Variants in GNAO1 observed in about 807,000 individuals in gnomAD.
GNAO1 encodes the protein guanine nucleotide-binding protein G(o) subunit alpha.
For missense variants in GNAO1, 166 were observed against 478.7 expected (o/e 0.35, Z 6.10); for synonymous variants, 164 against 180.7 (o/e 0.91, Z 0.74).
chr16:56,228,209 CAGAAGA>C (rs1190894617), intron 2 of GNAO1, among the ~76,000 whole-genome samples: 1 of 152,130 alleles, frequency 6.6e-6, no homozygotes, highest in East Asian at 1.9e-4. Context: ...CAAGTGCAAC[CAGAAGA>C]AGGCTTCCCC....
chr16:56,255,477 C>G (rs1334067767), intron 2 of GNAO1: 1 of 152,138 alleles, frequency 6.6e-6, no homozygotes, highest in African/African-American at 2.4e-5. Flanking sequence ...TGTAGTGTTT[C>G]AGATGAGAAG....
At chr16:56,303,371 C>T (rs1329350285) in intron 3 of GNAO1, among the ~76,000 whole-genome samples, 9 of 152,190 alleles carry the variant, frequency 5.9e-5, no homozygotes, top group Non-Finnish European at 1.0e-4. Context: ...TGGAGGCTGG[C>T]GGGCAGCCTT....
intron 3 of GNAO1, among the ~76,000 whole-genome samples, chr16:56,316,319 G>T (rs746190596): frequency 6.6e-6 from 1 of 152,180 alleles, no homozygotes; most frequent in Non-Finnish European, 1.5e-5. Flanking sequence ...CTCCATCAGG[G>T]CTGCCCCAGG....
intron 6 of GNAO1, among the ~76,000 whole-genome samples, chr16:56,341,848 C>T (rs1338586335): frequency 1.3e-5 from 2 of 152,198 alleles, no homozygotes; most frequent in African/African-American, 4.8e-5. Context: ...AGACCCTGTC[C>T]AGAGAAGTGA....
intron 2 of GNAO1, among the ~76,000 whole-genome samples, chr16:56,201,924 G>A (rs1407588389): frequency 1.3e-5 from 2 of 152,152 alleles, no homozygotes; most frequent in Non-Finnish European, 2.9e-5. Flanking sequence ...ACACACCTGG[G>A]GAGAGGGGTC....
intron 5 of GNAO1, among the ~76,000 whole-genome samples, chr16:56,335,439 G>C (rs1025250140): frequency 6.6e-6 from 1 of 152,214 alleles, no homozygotes; most frequent in East Asian, 1.9e-4. Context: ...CTGCAGCGCT[G>C]TGTCCCCACC....
chr16:56,259,237 T>C (rs1274056584), intron 2 of GNAO1, among the ~76,000 whole-genome samples: 1 of 152,224 alleles, frequency 6.6e-6, no homozygotes, highest in African/African-American at 2.4e-5. Context: ...CCTCACATGC[T>C]GTGTGAATGC....
At chr16:56,265,777 G>A (rs767872513) in intron 2 of GNAO1, among the ~76,000 whole-genome samples, 6 of 152,124 alleles carry the variant, frequency 3.9e-5, no homozygotes, top group South Asian at 2.1e-4. Flanking sequence ...GTTTGGGGAC[G>A]AATGTGTTTT....
At position 56,192,651 on chromosome 16, in the gene GNAO1, T is replaced by A. The variant is rs967876809; in HGVS notation, c.161+35T>A. ...TGTGGCATTGGGATTCGTACTTTTA[T>A]TAAGAATAATTTTTAAATCGTTTTT... On this transcript the variant is annotated intron_variant, in intron 2 of 8. Coordinates refer to ENST00000262493, the MANE Select transcript of GNAO1 (RefSeq NM_020988.3). 1.3e-5 allele frequency: 18 copies of A among 1,347,616 alleles called. No homozygotes were observed. The African/African-American group carries it at 2.0e-4, about 15-fold the overall frequency. 83.5% of individuals were successfully genotyped at this position (1,347,616 alleles called of 1,614,324 possible). A position where few individuals can be genotyped will look rare whatever the true frequency, so the allele number is the denominator to read the frequency against.
intron 2 of GNAO1, among the ~76,000 whole-genome samples, chr16:56,244,529 G>A (rs2036724202): frequency 6.6e-6 from 1 of 152,048 alleles, no homozygotes; most frequent in Non-Finnish European, 1.5e-5. Flanking sequence ...TGCTTGACAA[G>A]AATAAGAAAC....
intron 2 of GNAO1, among the ~76,000 whole-genome samples, chr16:56,208,567 A>G (rs186177414): frequency 6.6e-6 from 1 of 152,182 alleles, no homozygotes; most frequent in Admixed American, 6.5e-5. Context: ...TGTTTTCCGA[A>G]GTGGTAATTC....
intron 3 of GNAO1, among the ~76,000 whole-genome samples, chr16:56,318,444 C>T (rs1312184957): frequency 6.6e-6 from 1 of 152,212 alleles, no homozygotes; most frequent in African/African-American, 2.4e-5. Context: ...GTCTCTGGCT[C>T]GGCGGGTCCA....
At chr16:56,314,383 G>C (rs1310120878) in intron 3 of GNAO1, among the ~76,000 whole-genome samples, 3 of 152,224 alleles carry the variant, frequency 2.0e-5, no homozygotes, top group Admixed American at 2.0e-4. Context: ...AGGAAAAGCA[G>C]TGTCCCATGA....
At chr16:56,275,632 G>A (rs551596054) in intron 2 of GNAO1, among the ~76,000 whole-genome samples, 1 of 152,294 alleles carries the variant, frequency 6.6e-6, no homozygotes, top group South Asian at 2.1e-4. Context: ...TACATTGAGT[G>A]CTTAATGTAT....
At chr16:56,334,692 A>T (rs1433417000) in intron 4 of GNAO1, 37 bp from the exon 5 acceptor site, 1 of 1,612,174 alleles carries the variant, frequency 6.2e-7, no homozygotes, top group South Asian at 1.1e-5. Context: ...GTGTCCAGGC[A>T]TTTGGTCCAT....
Position 56,326,418 on chromosome 16 carries a change from A to G in GNAO1, c.304-2213A>G, listed in dbSNP as rs1166264927. Among the ~76,000 whole-genome samples, 5 of 152,230 alleles carry G rather than the reference A, an allele frequency of 3.3e-5. No homozygotes were observed. The highest frequency in any genetic ancestry group is 1.2e-4 in the African/African-American group (5 of 41,466). On this transcript the variant is annotated intron_variant, in intron 3 of 8. Coordinates refer to ENST00000262493, the MANE Select transcript of GNAO1 (RefSeq NM_020988.3). This position sits in a 1 kb window ranked among gnomAD's most constrained non-coding sequence, Gnocchi z 4.8. Reference sequence around the variant, plus strand: ...CTGAGACAGGGGCTTGCTGTCCTCAAGACAGCTTCTAGAGGTTTAGGTTCC... The same window carrying G: ...CTGAGACAGGGGCTTGCTGTCCTCAGGACAGCTTCTAGAGGTTTAGGTTCC...
intron 2 of GNAO1, chr16:56,193,961 C>T: frequency 8.2e-6 from 3 of 367,286 alleles, no homozygotes; most frequent in Non-Finnish European, 1.6e-5. Context: ...CGTAGGGAAA[C>T]AATGGAAAAT....
Position 56,357,132 on chromosome 16 carries a change from A to AAGG in GNAO1, c.*1058_*1059insAGG, listed in dbSNP as rs2037977527. 1 of 152,406 alleles carries AAGG rather than the reference A, an allele frequency of 6.6e-6. No homozygotes were observed. 9.4% of individuals were successfully genotyped at this position (152,406 alleles called of 1,614,324 possible). On this transcript the variant is annotated 3_prime_UTR_variant, in exon 9 of 9. Transcript: ENST00000262493. ...AGCCGCCGTTTTCATGACCAATCCT[A>AAGG]TGTCATTTCTACTTTGACTAATACC... is the stretch of plus-strand genomic sequence containing the variant.
intron 3 of GNAO1, among the ~76,000 whole-genome samples, chr16:56,296,783 G>A (rs147205570): frequency 2.0e-4 from 31 of 152,334 alleles, no homozygotes; most frequent in Non-Finnish European, 4.3e-4. Flanking sequence ...AACAGAGCCC[G>A]TGATGGGACC....
Sources: gnomAD v4.1 joint callset for allele counts (sites outside exome capture counted in the v4.1 genomes callset) on GRCh38, gnomAD v4.1.1 for gene constraint, Gnocchi (gnomAD v3.1) non-coding constraint, MANE v1.5 for transcripts, NCBI Gene and HGNC (gene_info 2026-07-23, HGNC 2026-07-21) for gene names.